Variants in CDIN1 observed in about 807,000 individuals in gnomAD.
The protein encoded by CDIN1 is CDAN1 interacting nuclease 1.
In CDIN1, 33 loss-of-function variants were observed where a neutral mutation model predicts 45.3. The ratio of observed to expected loss-of-function variants is 0.73; its 90% CI spans 0.55 to 0.97. The LOEUF (loss-of-function observed/expected upper bound fraction) is 0.97, where lower values mean the gene tolerates loss of function less well. Ranked by LOEUF, CDIN1 falls within the 50% of genes least tolerant of loss-of-function variation. CDIN1 has a pLI of 0.00. For missense variants in CDIN1, 303 were observed against 339.4 expected (o/e 0.89, Z 0.84); for synonymous variants, 118 against 124.4 (o/e 0.95, Z 0.34).
intron 1 of CDIN1, among the ~76,000 whole-genome samples, chr15:36,605,589 A>G (rs2038325030): frequency 1.3e-5 from 2 of 152,240 alleles, no homozygotes; most frequent in Non-Finnish European, 2.9e-5. Flanking sequence ...TCAATAGCAG[A>G]CATCAGATTT....
intron 1 of CDIN1, among the ~76,000 whole-genome samples, chr15:36,592,124 G>C (rs1259516934): frequency 1.3e-5 from 2 of 151,890 alleles, no homozygotes; most frequent in African/African-American, 2.4e-5. Context: ...TTTAAATGTT[G>C]TCAATTTGTT....
intron 1 of CDIN1, among the ~76,000 whole-genome samples, chr15:36,643,716 G>A (rs1438138784): frequency 6.6e-6 from 1 of 152,136 alleles, no homozygotes; most frequent in Non-Finnish European, 1.5e-5. Context: ...TTCACTCCAA[G>A]GACCTCTGCT....
chr15:36,772,900 G>A (rs1351764463), intron 10 of CDIN1, among the ~76,000 whole-genome samples: 5 of 152,160 alleles, frequency 3.3e-5, no homozygotes, highest in East Asian at 1.9e-4. Context: ...CCTGTATAAC[G>A]CAAATAGATT....
At chr15:36,710,067 T>C (rs2043003092) in intron 10 of CDIN1, 106 bp downstream of exon 10, 1 of 707,724 alleles carries the variant, frequency 1.4e-6, no homozygotes, top group South Asian at 2.6e-5. Flanking sequence ...CCGTTGTTTC[T>C]AGTAAATACA....
intron 1 of CDIN1, among the ~76,000 whole-genome samples, chr15:36,601,784 A>T (rs1188181944): frequency 6.6e-6 from 1 of 152,208 alleles, no homozygotes; most frequent in East Asian, 1.9e-4. Context: ...CCTGGCACAC[A>T]GTGCTAGTGA....
At chr15:36,798,853 A>T (rs2054909588) in intron 10 of CDIN1, 1 of 152,190 alleles carries the variant, frequency 6.6e-6, no homozygotes, top group Admixed American at 6.5e-5. Context: ...TAATATTCAG[A>T]AAGTTAGTTA....
chr15:36,697,529 C>A lies in CDIN1; in HGVS notation c.544+139C>A. The A allele has an allele frequency of 4.5e-6, 3 of 670,358 alleles. No individual in the cohort carries two copies. In the Middle Eastern group the frequency reaches 1.2e-3, roughly 277 times the overall value. 41.5% of individuals were successfully genotyped at this position (670,358 alleles called of 1,614,324 possible). On this transcript the variant is annotated intron_variant, in intron 8 of 10. Coordinates refer to ENST00000566621, the MANE Select transcript of CDIN1 (RefSeq NM_001321759.2). ...TATCTTTTATTGATTTGGAACTGAG[C>A]AGGAACTCAGTTACCTAATCTCCTA...
In CDIN1 at chr15:36,701,117, GGTAGGTAGA is replaced by G. The variant is rs1454759265; in HGVS notation, c.544+3728_544+3736del. 3.3e-3 allele frequency among the ~76,000 whole-genome samples: 220 copies of G among 67,150 alleles called. 2 individuals carry two copies. Among genetic ancestry groups the G allele is most frequent in the African/African-American group, 0.012 (201 of 16,942 alleles). The allele number at this position is 67,150 out of a possible 152,430, so 44.1% of individuals were successfully genotyped here. ...AGGTAGGTAGATAGATAGATAGATA[GGTAGGTAGA>G]TAGATAGATAGATAGATAGATAGAT... On this transcript the variant is annotated intron_variant, in intron 8 of 10. Transcript: ENST00000566621.
chr15:36,775,575 C>A (rs1043663248), intron 10 of CDIN1, among the ~76,000 whole-genome samples: 8 of 152,296 alleles, frequency 5.3e-5, no homozygotes, highest in South Asian at 2.1e-4. Context: ...CACACTTAAC[C>A]TTTCAACTCA....
At chr15:36,627,694 C>G (rs2039499368) in intron 1 of CDIN1, 1 of 152,376 alleles carries the variant, frequency 6.6e-6, no homozygotes, top group Non-Finnish European at 1.5e-5. Flanking sequence ...CCACTCGGGG[C>G]TTCACCTGCC....
At chr15:36,620,083 G>A (rs899394356) in intron 1 of CDIN1, among the ~76,000 whole-genome samples, 12 of 152,250 alleles carry the variant, frequency 7.9e-5, no homozygotes, top group African/African-American at 2.9e-4. Context: ...CGGGTGCGGT[G>A]GCTCTCGCCT....
At chr15:36,711,614 C>T (rs2043059096) in intron 10 of CDIN1, among the ~76,000 whole-genome samples, 1 of 152,136 alleles carries the variant, frequency 6.6e-6, no homozygotes, top group African/African-American at 2.4e-5. Context: ...TGATGTTTTA[C>T]TTAGACTACT....
At chr15:36,728,440 T>C (rs1049875901) in intron 10 of CDIN1, among the ~76,000 whole-genome samples, 2 of 152,236 alleles carry the variant, frequency 1.3e-5, no homozygotes, top group East Asian at 3.9e-4. Context: ...GAGCAGGGCC[T>C]TGTAAATTGG....
chr15:36,799,271 G>GTACTT (rs1332002986), intron 10 of CDIN1: 4 of 152,062 alleles, frequency 2.6e-5, no homozygotes, highest in African/African-American at 7.3e-5. Context: ...ATAACTTCGG[G>GTACTT]TACTTTGTTA....
intron 5 of CDIN1, chr15:36,668,063 T>G (rs1437088396): frequency 6.6e-6 from 1 of 152,166 alleles, no homozygotes; most frequent in Admixed American, 6.5e-5. Flanking sequence ...ATGTTTTGTC[T>G]TCTTCACTAA....
At chr15:36,718,889 C>A (rs2140871980) in intron 10 of CDIN1, among the ~76,000 whole-genome samples, 1 of 136,116 alleles carries the variant, frequency 7.3e-6, no homozygotes, top group East Asian at 2.3e-4. Context: ...TGCCTCACTG[C>A]TGATCTTAGA....
At chr15:36,619,908 A>G (rs545432884) in intron 1 of CDIN1, among the ~76,000 whole-genome samples, 6 of 151,882 alleles carry the variant, frequency 4.0e-5, no homozygotes, top group Non-Finnish European at 8.8e-5. Context: ...GTAAAACTTG[A>G]GTAGATTTTT....
chr15:36,611,274 C>T (rs1433137930), intron 1 of CDIN1, among the ~76,000 whole-genome samples: 1 of 152,148 alleles, frequency 6.6e-6, no homozygotes, highest in Non-Finnish European at 1.5e-5. Context: ...TTTCTACTTA[C>T]CAGAAGCAAT....
At chr15:36,617,935 C>T in intron 1 of CDIN1, 1 of 764,560 alleles carries the variant, frequency 1.3e-6, no homozygotes, top group Non-Finnish European at 2.4e-6. Flanking sequence ...AGAATTGTTA[C>T]TAATTAATGG....
Sources: gnomAD v4.1 joint callset for allele counts (sites outside exome capture counted in the v4.1 genomes callset) on GRCh38, gnomAD v4.1.1 for gene constraint, MANE v1.5 for transcripts, NCBI Gene and HGNC (gene_info 2026-07-23, HGNC 2026-07-21) for gene names.